Variants in MYO3A observed in about 807,000 individuals in gnomAD.
MYO3A encodes myosin IIIA.
MYO3A carries 180 observed loss-of-function variants against 192.7 expected under a neutral mutation model. The ratio of observed to expected loss-of-function variants is 0.93; its 90% CI spans 0.83 to 1.06. The LOEUF is 1.06. Ranked by LOEUF, MYO3A falls within the 50% of genes least tolerant of loss-of-function variation. The probability of loss-of-function intolerance (pLI) is 0.00; values close to 1 mark genes in which losing one functional copy is unlikely to be tolerated. For missense variants in MYO3A, 1,896 were observed against 1,905.0 expected, an observed-to-expected ratio of 1.00 and a Z score of 0.09; for synonymous variants, 628 against 645.3, an observed-to-expected ratio of 0.97 and a Z score of 0.41.
At chr10:26,039,888 T>C (rs1180410292) in intron 10 of MYO3A, among the ~76,000 whole-genome samples, 1 of 152,072 alleles carries the variant, frequency 6.6e-6, no homozygotes, top group Non-Finnish European at 1.5e-5. Flanking sequence ...TCTGCTCTGA[T>C]CTTTATTATT....
chr10:26,060,015 T>A (rs1044349363), intron 10 of MYO3A, among the ~76,000 whole-genome samples: 2 of 152,208 alleles, frequency 1.3e-5, no homozygotes, highest in Non-Finnish European at 2.9e-5. Context: ...CCCAGCACTT[T>A]GGGAGGCCAA....
chr10:25,937,256 CA>C (rs1836144307), intron 2 of MYO3A, among the ~76,000 whole-genome samples: 1 of 152,200 alleles, frequency 6.6e-6, no homozygotes, highest in Admixed American at 6.5e-5. Flanking sequence ...TCCACTTTGC[CA>C]CATTGCTGCC....
rs768565288 is a variant in MYO3A, at chr10:26,203,039, T to C, written c.4662T>C (p.His1554=). The C allele has an allele frequency of 3.7e-6, 6 of 1,613,620 alleles. No individual in the cohort carries two copies. The Admixed American group carries it at 8.3e-5, about 22-fold the overall frequency. ...CCAGTCGTTCTGGACCAAAGGAACA[T>C]AGCCCTAGTTTAAGAGAACGAAGAC... The part of the protein sequence containing the change: ...FLPSRSGPKE[H]SPSLRERRPQ... The change falls in exon 34 of 35, where the codon CAT becomes CAC. Residue 1554 remains histidine, a synonymous_variant. Transcript: ENST00000642920.
intron 18 of MYO3A, among the ~76,000 whole-genome samples, chr10:26,122,392 A>T (rs965236451): frequency 6.6e-6 from 1 of 152,254 alleles, no homozygotes; most frequent in South Asian, 2.1e-4. Flanking sequence ...ATTGAAAGTT[A>T]TAAGGAATTA....
chr10:25,996,358 A>G (rs41279906), intron 4 of MYO3A, 132 bp from the exon 5 acceptor site: 2 of 710,600 alleles, frequency 2.8e-6, no homozygotes, highest in East Asian at 5.5e-5. Context: ...TTATGAAAGC[A>G]TAAAGATAAT....
chr10:26,121,381 A>G (rs1362188551), intron 18 of MYO3A, among the ~76,000 whole-genome samples: 1 of 152,084 alleles, frequency 6.6e-6, no homozygotes, highest in Non-Finnish European at 1.5e-5. Context: ...GTTGCCTAGT[A>G]TGCCCTGTTA....
intron 6 of MYO3A, among the ~76,000 whole-genome samples, chr10:26,003,143 G>C (rs1307933329): frequency 6.6e-6 from 1 of 152,118 alleles, no homozygotes; most frequent in Non-Finnish European, 1.5e-5. Context: ...TCCTAAGATT[G>C]GTTGCTGTGA....
rs764234409 is a variant in MYO3A at position 26,072,856 on chromosome 10, G to A, written c.1359+2455G>A. On this transcript the variant is annotated intron_variant, in intron 14 of 34. Coordinates refer to ENST00000642920, the MANE Select transcript of MYO3A (RefSeq NM_017433.5). ...TACCATACAACCTAGCAGTTTTACT[G>A]CTATGTGCTTATTCACACGAAATGA... Among the ~76,000 whole-genome samples, 5 of 152,248 alleles carry A rather than the reference G, an allele frequency of 3.3e-5. No individual in the cohort carries two copies. The South Asian group carries it at 1.0e-3, about 32-fold the overall frequency.
At chr10:26,048,442 T>C (rs1374654269) in intron 10 of MYO3A, among the ~76,000 whole-genome samples, 1 of 152,052 alleles carries the variant, frequency 6.6e-6, no homozygotes, top group Non-Finnish European at 1.5e-5. Context: ...AGTAAATACC[T>C]AACCGTGACA....
intron 17 of MYO3A, among the ~76,000 whole-genome samples, chr10:26,118,195 T>C (rs1838636124): frequency 6.6e-6 from 1 of 152,118 alleles, no homozygotes; most frequent in Admixed American, 6.5e-5. Context: ...GGTTTTTTTT[T>C]TCCTAAGGCC....
intron 20 of MYO3A, among the ~76,000 whole-genome samples, chr10:26,129,007 C>T (rs1256360218): frequency 6.6e-6 from 1 of 152,094 alleles, no homozygotes; most frequent in East Asian, 1.9e-4. Context: ...TGTCAGGGTA[C>T]AATGTGTAAT....
chr10:26,081,793 G>A (rs913125840), intron 14 of MYO3A, among the ~76,000 whole-genome samples: 1 of 152,270 alleles, frequency 6.6e-6, no homozygotes, highest in African/African-American at 2.4e-5. Context: ...TCAGTTCCGT[G>A]TAAAGCCAGA....
At chr10:26,090,315 C>T (rs1836621386) in intron 15 of MYO3A, among the ~76,000 whole-genome samples, 1 of 152,144 alleles carries the variant, frequency 6.6e-6, no homozygotes, top group Non-Finnish European at 1.5e-5. Context: ...CACAATGAGG[C>T]CCTGAGCTTG....
intron 6 of MYO3A, among the ~76,000 whole-genome samples, chr10:26,009,703 A>G (rs1841499184): frequency 6.6e-6 from 1 of 152,262 alleles, no homozygotes; most frequent in Admixed American, 6.5e-5. Context: ...ATGATGTGAT[A>G]ACTTCAGGTA....
chr10:26,068,013 G>T (rs981705364), intron 11 of MYO3A, among the ~76,000 whole-genome samples: 2 of 152,072 alleles, frequency 1.3e-5, no homozygotes, highest in African/African-American at 4.8e-5. Flanking sequence ...AATCATGTTG[G>T]CAAGTCAGAG....
chr10:26,099,725 A>G (rs1837309429), intron 17 of MYO3A, among the ~76,000 whole-genome samples: 2 of 152,098 alleles, frequency 1.3e-5, no homozygotes, highest in African/African-American at 4.8e-5. Flanking sequence ...ATTGATTTGC[A>G]TATGTTGAAC....
chr10:26,186,266 C>CT (rs35154545), intron 31 of MYO3A, among the ~76,000 whole-genome samples: 25,067 of 129,686 alleles, frequency 0.19, 2,612 homozygotes, highest in African/African-American at 0.22. Flanking sequence ...TGATATCCTT[C>CT]TTTTTTTTTT....
chr10:26,110,085 G>T (rs942493520), intron 17 of MYO3A, among the ~76,000 whole-genome samples: 1 of 152,146 alleles, frequency 6.6e-6, no homozygotes, highest in Non-Finnish European at 1.5e-5. Context: ...CACTTTACTC[G>T]CAAAAAGTCG....
intron 14 of MYO3A, 40 bp downstream of exon 14, chr10:26,070,441 G>A (rs1588897777): frequency 1.3e-6 from 2 of 1,529,386 alleles, no homozygotes; most frequent in Middle Eastern, 3.5e-4. Flanking sequence ...AGAAATATTT[G>A]TTGAATTTCA....
Sources: allele counts gnomAD v4.1 joint callset (sites outside exome capture counted in the v4.1 genomes callset), GRCh38; gene constraint gnomAD v4.1.1; transcripts MANE v1.5; gene names NCBI Gene and HGNC (gene_info 2026-07-23, HGNC 2026-07-21).